ADTRP: variants seen among roughly 807,000 people sequenced by gnomAD.
ADTRP encodes androgen-dependent TFPI-regulating protein.
ADTRP carries 20 observed loss-of-function variants against 27.0 expected under a neutral mutation model. The observed-to-expected ratio is 0.74, with a 90% confidence interval of 0.52 to 1.08. The LOEUF (loss-of-function observed/expected upper bound fraction) is 1.08, where lower values mean the gene tolerates loss of function less well. Ranked by LOEUF, ADTRP falls within the 50% of genes least tolerant of loss-of-function variation. The probability of loss-of-function intolerance (pLI) is 0.00; values close to 1 mark genes in which losing one functional copy is unlikely to be tolerated. For synonymous variants in ADTRP, 101 were observed against 105.2 expected, an observed-to-expected ratio of 0.96 and a Z score of 0.25; for missense variants, 251 against 275.0, an observed-to-expected ratio of 0.91 and a Z score of 0.62.
intron 5 of ADTRP, chr6:11,717,237 T>C: frequency 1.6e-6 from 2 of 1,264,632 alleles, no homozygotes; most frequent in South Asian, 2.6e-5. Context: ...TCACCCCGAC[T>C]TGTTTTATTC....
chr6:11,721,428 G>A (rs1024398741), intron 5 of ADTRP, among the ~76,000 whole-genome samples: 2 of 152,132 alleles, frequency 1.3e-5, no homozygotes, highest in African/African-American at 4.8e-5. Flanking sequence ...TAGGACATGG[G>A]GAAATGTGTT....
intron 3 of ADTRP, among the ~76,000 whole-genome samples, chr6:11,764,386 A>G (rs1342202191): frequency 1.3e-5 from 2 of 152,238 alleles, no homozygotes; most frequent in Admixed American, 6.5e-5. Flanking sequence ...TGAGCACACA[A>G]ACCTTGAGAA....
intron 4 of ADTRP, among the ~76,000 whole-genome samples, chr6:11,725,852 A>G (rs1173311664): frequency 6.8e-6 from 1 of 146,210 alleles, no homozygotes; most frequent in Non-Finnish European, 1.5e-5. Context: ...GTGATTGGAG[A>G]TCGCGCCACT....
At chr6:11,715,900 T>TC in intron 5 of ADTRP, among the ~76,000 whole-genome samples, 1 of 139,302 alleles carries the variant, frequency 7.2e-6, no homozygotes, top group East Asian at 2.4e-4. Flanking sequence ...ACTCCTGGCC[T>TC]CACCACAAGG....
intron 3 of ADTRP, among the ~76,000 whole-genome samples, chr6:11,739,356 C>A (rs546837033): frequency 4.6e-5 from 7 of 152,212 alleles, no homozygotes; most frequent in Admixed American, 3.9e-4. Context: ...TTAAAGTCAC[C>A]ATTTTGGTAG....
intron 3 of ADTRP, among the ~76,000 whole-genome samples, chr6:11,742,357 T>C (rs1272531093): frequency 6.6e-6 from 1 of 152,168 alleles, no homozygotes; most frequent in Non-Finnish European, 1.5e-5. Flanking sequence ...ATTAGCCCCA[T>C]ACATCTTTGA....
intron 4 of ADTRP, 99 bp downstream of exon 4, chr6:11,735,469 C>T: frequency 1.2e-6 from 1 of 807,016 alleles, no homozygotes; most frequent in East Asian, 2.7e-5. Context: ...CTTATTAAAC[C>T]AAGATAAAGG....
At chr6:11,735,256 G>C (rs1452871872) in intron 4 of ADTRP, among the ~76,000 whole-genome samples, 2 of 152,210 alleles carry the variant, frequency 1.3e-5, no homozygotes, top group African/African-American at 2.4e-5. Flanking sequence ...ATTGAAGATA[G>C]AACCAAGGAG....
chr6:11,769,502 C>T (rs978586019), intron 1 of ADTRP, among the ~76,000 whole-genome samples: 2 of 152,152 alleles, frequency 1.3e-5, no homozygotes, highest in African/African-American at 4.8e-5. Flanking sequence ...AATGCAGGAC[C>T]TCCATCCTAT....
rs759377990 is a variant in ADTRP, at chr6:11,723,443, G to A, written c.564C>T (p.Leu188=). 1 of 1,614,178 alleles carries A rather than the reference G, an allele frequency of 6.2e-7. No homozygotes were observed. Among genetic ancestry groups the A allele is most frequent in the East Asian group, 2.2e-5 (1 of 44,886 alleles). Residue 188 remains leucine, a synonymous_variant, in exon 5 of 6, where the codon CTC becomes CTT. Transcript: ENST00000414691. ...AGAAAGCTGCTAGACCCAAGAGGCT[G>A]AGTTTGGCAAACACAGGATACACCC... ...GTWVYPVFAK[L]SLLGLAAFFS...
chr6:11,717,018 A>C (rs1812241), intron 5 of ADTRP: 115,273 of 233,734 alleles, frequency 0.49, 30,845 homozygotes, highest in Non-Finnish European at 0.59. Context: ...GAGCCACCGC[A>C]CCCAGCCTTC....
intron 3 of ADTRP, among the ~76,000 whole-genome samples, chr6:11,748,894 G>A (rs1762951621): frequency 6.6e-6 from 1 of 152,230 alleles, no homozygotes; most frequent in African/African-American, 2.4e-5. Context: ...GCATTAAGCA[G>A]GGCCCAGGTT....
intron 3 of ADTRP, among the ~76,000 whole-genome samples, chr6:11,738,082 G>A (rs148539353): frequency 1.4e-4 from 22 of 152,186 alleles, no homozygotes; most frequent in Non-Finnish European, 2.4e-4. Context: ...ACGTGAGTGC[G>A]TGTAATATGC....
intron 2 of ADTRP, among the ~76,000 whole-genome samples, chr6:11,766,725 A>C (rs1346127956): frequency 1.3e-5 from 2 of 152,216 alleles, no homozygotes; most frequent in African/African-American, 2.4e-5. Context: ...TTCACCAGGA[A>C]TGCTGAGAGT....
Position 11,723,379 on chromosome 6 carries a change from G to A in ADTRP, c.628C>T (p.Leu210Phe). 6.2e-7 allele frequency: 1 copy of A among 1,614,156 alleles called. No individual in the cohort carries two copies. The highest frequency in any genetic ancestry group is 8.5e-7 in the Non-Finnish European group (1 of 1,180,032). The change falls in exon 5 of 6, where the codon CTT becomes TTT. Residue 210 changes from leucine to phenylalanine, a missense_variant. Physicochemically the swap from Leu to Phe is conservative, Grantham distance 22. Coordinates refer to ENST00000414691, the MANE Select transcript of ADTRP (RefSeq NM_032744.4). ...SYVFIASIYL[L>F]GEKLNHWKWG... ...TTCCAGTGGTTGAGCTTCTCTCCAA[G>A]TAGGTAGATGCTGGCGATGAAGACG...
chr6:11,768,695 T>C (rs1390918357), intron 1 of ADTRP, among the ~76,000 whole-genome samples: 5 of 152,154 alleles, frequency 3.3e-5, no homozygotes, highest in Non-Finnish European at 7.4e-5. Flanking sequence ...GATGGATACC[T>C]TGACGGCACA....
At chr6:11,729,849 A>G (rs2294426) in intron 4 of ADTRP, among the ~76,000 whole-genome samples, 57,091 of 152,142 alleles carry the variant, frequency 0.38, 12,567 homozygotes, top group East Asian at 0.72. Flanking sequence ...ATTCATTTTC[A>G]TCTATCAATG....
At chr6:11,776,912 AAAAC>A (rs1763973241) in intron 1 of ADTRP, among the ~76,000 whole-genome samples, 1 of 152,206 alleles carries the variant, frequency 6.6e-6, no homozygotes, top group Non-Finnish European at 1.5e-5. Flanking sequence ...ATGGTATTAA[AAAAC>A]AAACCAAAAC....
intron 3 of ADTRP, chr6:11,735,896 A>C: frequency 6.3e-6 from 3 of 479,410 alleles, no homozygotes; most frequent in South Asian, 2.6e-5. Context: ...GGACTTTGCA[A>C]TGTGTCTCAC....
Sources: allele counts gnomAD v4.1 joint callset (sites outside exome capture counted in the v4.1 genomes callset), GRCh38; gene constraint gnomAD v4.1.1; transcripts MANE v1.5; gene names NCBI Gene and HGNC (gene_info 2026-07-23, HGNC 2026-07-21).